Variants in ZNF536 observed in about 807,000 individuals in gnomAD.
ZNF536 encodes zinc finger protein 536.
Under a neutral mutation model 84.5 loss-of-function variants are expected in ZNF536, and 13 were observed. The ratio of observed to expected loss-of-function variants is 0.15; its 90% CI spans 0.10 to 0.24. The LOEUF (loss-of-function observed/expected upper bound fraction) is 0.24, where lower values mean the gene tolerates loss of function less well. Among genes scored for constraint, ZNF536 ranks in the 10% least tolerant of loss-of-function variants. The pLI, the probability that ZNF536 is intolerant of heterozygous loss-of-function variation, is 1.00. For missense variants in ZNF536, 1,536 were observed against 1,747.5 expected, an observed-to-expected ratio of 0.88 and a Z score of 2.16; for synonymous variants, 811 against 742.5, an observed-to-expected ratio of 1.09 and a Z score of -1.50.
intron 1 of ZNF536, among the ~76,000 whole-genome samples, chr19:30,566,467 C>G (rs1198739870): frequency 6.6e-6 from 1 of 152,254 alleles, no homozygotes; most frequent in African/African-American, 2.4e-5. Flanking sequence ...ACATTTCATC[C>G]TCATGAAAAC....
rs7508667 is a variant in ZNF536 at position 30,445,465 on chromosome 19, G to T, written c.1903G>T (p.Asp635Tyr). ...NMKEKPTECPDCGRVFRTYHQ... is the reference protein window; with the variant it reads ...NMKEKPTECPYCGRVFRTYHQ... Reference sequence around the variant, plus strand: ...GAAGGAGAAGCCCACCGAGTGCCCCGACTGCGGCCGGGTGTTCCGCACTTA... The same window carrying T: ...GAAGGAGAAGCCCACCGAGTGCCCCTACTGCGGCCGGGTGTTCCGCACTTA... The change falls in exon 2 of 5, where the codon GAC (aspartate) becomes TAC (tyrosine). Residue 635 changes from aspartate (D) to tyrosine (Y), a missense_variant. Asp to Tyr is a radical substitution (Grantham distance 160, BLOSUM62 -3). Around this residue, in one of 8 missense-constraint regions of ZNF536, gnomAD observed 366 missense variants for 364.4 expected, o/e 1.00. Coordinates refer to ENST00000355537, the MANE Select transcript of ZNF536 (RefSeq NM_014717.3). This position sits in a 1 kb window ranked among gnomAD's most constrained non-coding sequence, Gnocchi z 4.5. 1.9e-6 allele frequency: 3 copies of T among 1,614,100 alleles called. No homozygotes were observed. The highest frequency in any genetic ancestry group is 2.5e-6 in the Non-Finnish European group (3 of 1,180,032).
rs189249684 is a variant in ZNF536 at position 30,288,133 on chromosome 19, G to A, written c.-120+3992G>A. On this transcript the variant is annotated intron_variant, in intron 2 of 5. Coordinates refer to the ZNF536 transcript ENST00000585628. Reference sequence around the variant, plus strand: ...AAAAATCCACAAGGGCACATACACAGATGACTGGGACTGAAGGCGTGGAGG... The same window carrying A: ...AAAAATCCACAAGGGCACATACACAAATGACTGGGACTGAAGGCGTGGAGG... 1.4e-4 allele frequency among the ~76,000 whole-genome samples: 21 copies of A among 152,348 alleles called. No individual in the cohort carries two copies. In the East Asian group the frequency reaches 3.9e-3, roughly 28 times the overall value.
intron 1 of ZNF536, among the ~76,000 whole-genome samples, chr19:30,622,942 C>G (rs941121905): frequency 6.6e-6 from 1 of 151,522 alleles, no homozygotes. Context: ...CCCACTCCTC[C>G]TAGAGTTTTT....
At chr19:30,493,293 A>G (rs1375097370) in intron 2 of ZNF536, among the ~76,000 whole-genome samples, 1 of 152,040 alleles carries the variant, frequency 6.6e-6, no homozygotes, top group African/African-American at 2.4e-5. Context: ...ATTTTAGGGA[A>G]CGTCAAACCT....
chr19:30,382,488 A>G (rs1435211052), intron 1 of ZNF536, among the ~76,000 whole-genome samples: 6 of 152,232 alleles, frequency 3.9e-5, no homozygotes, highest in Non-Finnish European at 2.9e-5. Context: ...TAAAGAAAAT[A>G]TCTGCACTTC....
At chr19:30,343,883 T>C (rs938739270) in intron 2 of ZNF536, among the ~76,000 whole-genome samples, 1 of 152,014 alleles carries the variant, frequency 6.6e-6, no homozygotes, top group South Asian at 2.1e-4. Context: ...CAGCAAGAGG[T>C]TGGCCAACTC....
intron 1 of ZNF536, among the ~76,000 whole-genome samples, chr19:30,668,992 G>T (rs943571324): frequency 6.6e-6 from 1 of 152,198 alleles, no homozygotes; most frequent in African/African-American, 2.4e-5. Flanking sequence ...GTGGGCAGCG[G>T]GGGCAAGGGT....
chr19:30,621,320 C>T (rs936342205), intron 1 of ZNF536, among the ~76,000 whole-genome samples: 1 of 152,078 alleles, frequency 6.6e-6, no homozygotes, highest in Non-Finnish European at 1.5e-5. Context: ...GAAGGTCTTT[C>T]TGGAAGTAAC....
At chr19:30,300,795 A>G (rs1302441125) in intron 2 of ZNF536, 1 of 152,202 alleles carries the variant, frequency 6.6e-6, no homozygotes, top group Non-Finnish European at 1.5e-5. Context: ...GGATGATCGC[A>G]ACGGGGGGAG....
In ZNF536 at chr19:30,234,744, T is replaced by TACAC. The variant is rs111232052; in HGVS notation, c.-190+6098_-190+6101dup. 4.1e-3 allele frequency among the ~76,000 whole-genome samples: 599 copies of TACAC among 147,734 alleles called. 4 individuals are homozygous for TACAC. The highest frequency in any genetic ancestry group is 0.01 in the Middle Eastern group (3 of 290). On this transcript the variant is annotated intron_variant, in intron 1 of 5. Transcript: ENST00000585628. ...GCTTTTTGTTGCTTTATTACTAAAT[T>TACAC]ACACACACACACACACACACACACA...
chr19:30,461,156 C>T (rs1002898422), intron 2 of ZNF536, among the ~76,000 whole-genome samples: 3 of 152,048 alleles, frequency 2.0e-5, no homozygotes, highest in African/African-American at 7.2e-5. Flanking sequence ...CAGAGATTCC[C>T]AGAGGTCTGG....
chr19:30,641,756 A>C (rs936740335), intron 1 of ZNF536, among the ~76,000 whole-genome samples: 3 of 152,160 alleles, frequency 2.0e-5, no homozygotes, highest in African/African-American at 7.2e-5. Flanking sequence ...CCTCAATGGG[A>C]GGTCACTTCC....
rs1177918706 is a variant in ZNF536, at chr19:30,445,658, G to T, written c.2096G>T (p.Gly699Val). The T allele has an allele frequency of 6.2e-7, 1 of 1,610,526 alleles. No individual in the cohort carries two copies. The highest frequency in any genetic ancestry group is 8.5e-7 in the Non-Finnish European group (1 of 1,178,266). ...PGSSNVTEES[G>V]VGGGLSQTGS... ...TCCTCTAACGTCACCGAGGAGAGCGGGGTCGGAGGCGGCCTCTCCCAGACC... is the reference window on the plus strand; with the variant it reads ...TCCTCTAACGTCACCGAGGAGAGCGTGGTCGGAGGCGGCCTCTCCCAGACC... The change falls in exon 2 of 5, where the codon GGG becomes GTG. Residue 699 changes from glycine (G) to valine (V), a missense_variant. By Grantham distance (109) the Gly-to-Val change is moderately radical (BLOSUM62 -3). Around this residue, in one of 8 missense-constraint regions of ZNF536, gnomAD observed 148 missense variants for 205.4 expected, o/e 0.72. Transcript: ENST00000355537. This position sits in a 1 kb window ranked among gnomAD's most constrained non-coding sequence, Gnocchi z 4.5.
intron 1 of ZNF536, among the ~76,000 whole-genome samples, chr19:30,637,109 A>G (rs2049095158): frequency 6.6e-6 from 1 of 152,202 alleles, no homozygotes; most frequent in Admixed American, 6.5e-5. Flanking sequence ...CCTTTTAGGC[A>G]GCCTCTTGGG....
In ZNF536 at chr19:30,445,042, C is replaced by T. The variant is rs2052252839; in HGVS notation, c.1480C>T (p.Leu494Phe). The T allele has an allele frequency of 2.5e-6, 4 of 1,613,454 alleles. No homozygotes were observed. In the Middle Eastern group the frequency reaches 4.9e-4, roughly 200 times the overall value. Residue 494 changes from leucine to phenylalanine, a missense_variant, in exon 2 of 5, where the codon CTC (leucine) becomes TTC (phenylalanine). Physicochemically the swap from Leu to Phe is conservative, Grantham distance 22. Transcript: ENST00000355537. This position sits in a 1 kb window ranked among gnomAD's most constrained non-coding sequence, Gnocchi z 4.5. Reference protein sequence around the residue: ...DKHSLLGCLNLVPPLKSSCIE... With the variant: ...DKHSLLGCLNFVPPLKSSCIE... ...GCACTCCCTCCTGGGATGCCTCAAT[C>T]TCGTGCCGCCGCTGAAATCCAGCTG...
intron 1 of ZNF536, among the ~76,000 whole-genome samples, chr19:30,685,287 G>A (rs2051131346): frequency 6.6e-6 from 1 of 152,178 alleles, no homozygotes; most frequent in African/African-American, 2.4e-5. Flanking sequence ...AGTGAGTAGG[G>A]GGCTTTAGAA....
intron 3 of ZNF536, among the ~76,000 whole-genome samples, chr19:30,367,271 C>T (rs560868378): frequency 2.0e-4 from 31 of 152,252 alleles, no homozygotes; most frequent in Admixed American, 9.8e-4. Context: ...GTGAGGCCAC[C>T]GCTGACATGC....
chr19:30,641,466 T>A (rs976269748), intron 1 of ZNF536, among the ~76,000 whole-genome samples: 1 of 152,222 alleles, frequency 6.6e-6, no homozygotes. Flanking sequence ...TTTTTTCTCA[T>A]GTTATTAAAA....
chr19:30,595,046 G>A (rs2047410964), intron 1 of ZNF536, among the ~76,000 whole-genome samples: 1 of 151,016 alleles, frequency 6.6e-6, no homozygotes, highest in Non-Finnish European at 1.5e-5. Flanking sequence ...GCTGCAGTGG[G>A]CACCGCACAG....
Sources: allele counts gnomAD v4.1 joint callset (sites outside exome capture counted in the v4.1 genomes callset), GRCh38; gene constraint gnomAD v4.1.1; regional missense constraint gnomAD v4.1.1; non-coding constraint Gnocchi (gnomAD v3.1); transcripts MANE v1.5; gene names NCBI Gene and HGNC (gene_info 2026-07-23, HGNC 2026-07-21).